The following PTPRM variants were observed in gnomAD, a reference collection of about 807,000 sequenced individuals.
PTPRM encodes the protein receptor-type tyrosine-protein phosphatase mu.
PTPRM carries 47 observed loss-of-function variants against 186.7 expected under a neutral mutation model. That is an observed-to-expected ratio of 0.25 (90% confidence interval 0.20 to 0.32). The LOEUF is 0.32. PTPRM is among the 10% of genes least tolerant of loss of function. The pLI, the probability that PTPRM is intolerant of heterozygous loss-of-function variation, is 1.00. For synonymous variants in PTPRM, 668 were observed against 674.9 expected (o/e 0.99, Z 0.16); for missense variants, 1,494 against 1,865.0 (o/e 0.80, Z 3.66).
At chr18:7,930,593 A>G (rs2051428345) in intron 5 of PTPRM, among the ~76,000 whole-genome samples, 2 of 152,176 alleles carry the variant, frequency 1.3e-5, no homozygotes, top group Non-Finnish European at 2.9e-5. Flanking sequence ...CCACTCTACT[A>G]TACCGTCTTG....
chr18:8,147,381 T>G (rs2092909810), intron 14 of PTPRM, among the ~76,000 whole-genome samples: 1 of 152,224 alleles, frequency 6.6e-6, no homozygotes, highest in Non-Finnish European at 1.5e-5. Context: ...GTAAATTGTA[T>G]TCCTAGATAT....
intron 23 of PTPRM, among the ~76,000 whole-genome samples, chr18:8,348,487 A>G (rs665525): frequency 0.81 from 124,042 of 152,214 alleles, 52,182 homozygotes; most frequent in Middle Eastern, 0.95. Context: ...GACCCTTGTC[A>G]GTTTTCCTGG....
At chr18:8,159,311 A>G (rs1042153736) in intron 14 of PTPRM, among the ~76,000 whole-genome samples, 12 of 152,106 alleles carry the variant, frequency 7.9e-5, no homozygotes, top group Admixed American at 3.9e-4. Flanking sequence ...GCTTCACTGG[A>G]TCCCCTGGAA....
At chr18:8,311,371 G>A (rs1383383235) in intron 20 of PTPRM, among the ~76,000 whole-genome samples, 1 of 151,936 alleles carries the variant, frequency 6.6e-6, no homozygotes, top group Non-Finnish European at 1.5e-5. Context: ...TATCTTGGAT[G>A]ATCCTGGACC....
chr18:8,349,510 C>T (rs115361915), intron 23 of PTPRM, among the ~76,000 whole-genome samples: 1 of 152,144 alleles, frequency 6.6e-6, no homozygotes, highest in East Asian at 1.9e-4. Flanking sequence ...TCAGCAAACA[C>T]TCCTCATCTC....
chr18:8,098,192 T>C (rs1251452035), intron 11 of PTPRM, among the ~76,000 whole-genome samples: 2 of 152,168 alleles, frequency 1.3e-5, no homozygotes, highest in Non-Finnish European at 2.9e-5. Context: ...TCTCAGAATA[T>C]ATCCCCATCA....
At chr18:8,150,702 A>C (rs577889564) in intron 14 of PTPRM, among the ~76,000 whole-genome samples, 1 of 152,218 alleles carries the variant, frequency 6.6e-6, no homozygotes, top group African/African-American at 2.4e-5. Context: ...GCGAGGAATT[A>C]TGATCCTTTG....
chr18:8,386,307 G>A (rs1393169022), intron 30 of PTPRM, among the ~76,000 whole-genome samples: 1 of 152,136 alleles, frequency 6.6e-6, no homozygotes, highest in Non-Finnish European at 1.5e-5. Context: ...GAGAGGCAGA[G>A]GAAGAGGAAG....
At position 7,672,999 on chromosome 18, in the gene PTPRM, C is replaced by T. The variant is rs558802572; in HGVS notation, c.74-101150C>T. 3.3e-5 allele frequency among the ~76,000 whole-genome samples: 5 copies of T among 152,308 alleles called. No individual in the cohort carries two copies. The East Asian group carries it at 7.8e-4, about 24-fold the overall frequency. On this transcript the variant is annotated intron_variant, in intron 1 of 32. Transcript: ENST00000580170. ...CTCAAAGTGAGACTGAAAGAAGGCTCAGGAAGGTGGTGTTCAGGAGCCTGT... is the reference window on the plus strand; with the variant it reads ...CTCAAAGTGAGACTGAAAGAAGGCTTAGGAAGGTGGTGTTCAGGAGCCTGT...
At chr18:7,842,472 A>G (rs2046371695) in intron 2 of PTPRM, among the ~76,000 whole-genome samples, 1 of 152,222 alleles carries the variant, frequency 6.6e-6, no homozygotes, top group Non-Finnish European at 1.5e-5. Flanking sequence ...TTGGTCAAAC[A>G]GAAGTCCAGA....
At chr18:8,317,516 G>A (rs942431869) in intron 21 of PTPRM, among the ~76,000 whole-genome samples, 2 of 152,172 alleles carry the variant, frequency 1.3e-5, no homozygotes, top group Non-Finnish European at 2.9e-5. Flanking sequence ...GTACAGACGA[G>A]CTTGAAGGCC....
At chr18:8,089,604 T>C (rs2090607201) in intron 11 of PTPRM, among the ~76,000 whole-genome samples, 1 of 152,212 alleles carries the variant, frequency 6.6e-6, no homozygotes, top group African/African-American at 2.4e-5. Flanking sequence ...TATTTTGGAA[T>C]AGTTTCCCTT....
At chr18:7,664,187 T>C (rs1302366165) in intron 1 of PTPRM, among the ~76,000 whole-genome samples, 3 of 152,180 alleles carry the variant, frequency 2.0e-5, no homozygotes, top group Non-Finnish European at 4.4e-5. Context: ...CCTCTTTGTG[T>C]CTCTCTGCCA....
intron 2 of PTPRM, among the ~76,000 whole-genome samples, chr18:7,854,731 GTT>G (rs10541123): frequency 0.58 from 82,541 of 141,836 alleles, 24,218 homozygotes; most frequent in East Asian, 0.87. Context: ...AATGTTAGGA[GTT>G]TTTTTTTTTT....
At chr18:8,017,721 G>A (rs1479818440) in intron 7 of PTPRM, 2 of 152,014 alleles carry the variant, frequency 1.3e-5, no homozygotes, top group Non-Finnish European at 2.9e-5. Context: ...CAGGTATCAT[G>A]AGTCCACTTT....
chr18:7,894,886 A>C (rs975369614), intron 3 of PTPRM, among the ~76,000 whole-genome samples: 2 of 152,218 alleles, frequency 1.3e-5, no homozygotes, highest in Admixed American at 6.5e-5. Flanking sequence ...ATTCTAAAAT[A>C]TTAATATAAG....
At chr18:8,369,855 A>C (rs2095653428) in intron 23 of PTPRM, among the ~76,000 whole-genome samples, 1 of 152,136 alleles carries the variant, frequency 6.6e-6, no homozygotes, top group Admixed American at 6.5e-5. Context: ...GAGGCTGAGG[A>C]GGGAAGATCG....
chr18:7,937,469 C>T (rs1013287328), intron 5 of PTPRM, among the ~76,000 whole-genome samples: 2 of 152,198 alleles, frequency 1.3e-5, no homozygotes, highest in African/African-American at 4.8e-5. Context: ...ATCCCATGCT[C>T]GCTCACTCAC....
intron 26 of PTPRM, chr18:8,376,857 A>T (rs73939467): frequency 7.6e-6 from 3 of 393,446 alleles, no homozygotes; most frequent in African/African-American, 6.2e-5. Flanking sequence ...TAAGGGACCC[A>T]AAAAAGTCTC....
Sources: allele counts gnomAD v4.1 joint callset (sites outside exome capture counted in the v4.1 genomes callset), GRCh38; gene constraint gnomAD v4.1.1; transcripts MANE v1.5; gene names NCBI Gene and HGNC (gene_info 2026-07-23, HGNC 2026-07-21).